CPT1A: variants seen among roughly 807,000 people sequenced by gnomAD.
CPT1A encodes the protein carnitine O-palmitoyltransferase 1, liver isoform.
Under a neutral mutation model 100.8 loss-of-function variants are expected in CPT1A, and 64 were observed. The ratio of observed to expected loss-of-function variants is 0.63; its 90% CI spans 0.52 to 0.78. CPT1A has a LOEUF of 0.78. CPT1A is among the 30% of genes least tolerant of loss of function. The pLI, the probability that CPT1A is intolerant of heterozygous loss-of-function variation, is 0.00. For missense variants in CPT1A, 802 were observed against 1,034.1 expected, an observed-to-expected ratio of 0.78 and a Z score of 3.08; for synonymous variants, 363 against 396.0, an observed-to-expected ratio of 0.92 and a Z score of 0.99.
intron 4 of CPT1A, among the ~76,000 whole-genome samples, chr11:68,805,720 C>T (rs1185242755): frequency 1.3e-5 from 2 of 152,230 alleles, no homozygotes; most frequent in African/African-American, 4.8e-5. Flanking sequence ...AAAGATTCTG[C>T]AGAAAATGTT....
intron 17 of CPT1A, 50 bp downstream of exon 17, chr11:68,760,175 C>T (rs1375454947): frequency 7.6e-7 from 1 of 1,316,288 alleles, no homozygotes; most frequent in Admixed American, 1.9e-5. Flanking sequence ...CCCCATTACC[C>T]ATCCCATCAC....
intron 1 of CPT1A, among the ~76,000 whole-genome samples, chr11:68,839,130 A>T (rs897316316): frequency 1.3e-5 from 2 of 152,184 alleles, no homozygotes; most frequent in South Asian, 2.1e-4. Flanking sequence ...CTGGCCTGCC[A>T]ATAATAACCA....
At chr11:68,832,089 A>G (rs1028810794) in intron 1 of CPT1A, among the ~76,000 whole-genome samples, 1 of 152,200 alleles carries the variant, frequency 6.6e-6, no homozygotes, top group Non-Finnish European at 1.5e-5. Context: ...TAATGAGAAA[A>G]CCAGGGCTTA....
At position 68,838,571 on chromosome 11, in the gene CPT1A, T is replaced by TAAAAAAAAAAAAAAAAAAAA. The variant is rs1177976460; in HGVS notation, c.-14+3203_-14+3204insTTTTTTTTTTTTTTTTTTTT. Among the ~76,000 whole-genome samples, 37 of 74,228 alleles carry TAAAAAAAAAAAAAAAAAAAA rather than the reference T, an allele frequency of 5.0e-4. 4 individuals are homozygous for TAAAAAAAAAAAAAAAAAAAA. Among genetic ancestry groups the TAAAAAAAAAAAAAAAAAAAA allele is most frequent in the South Asian group, 3.7e-3 (8 of 2,144 alleles). The allele number at this position is 74,228 out of a possible 152,430, so 48.7% of individuals were successfully genotyped here. ...GACTCTACTCTGTATCTGCACCTTTTTAAAAAAAAAAAAAAAAAAACAGAG... is the reference window on the plus strand; with the variant it reads ...GACTCTACTCTGTATCTGCACCTTTTAAAAAAAAAAAAAAAAAAAATAAAAAAAAAAAAAAAAAAACAGAG... On this transcript the variant is annotated intron_variant, in intron 1 of 18. Transcript: ENST00000265641.
At chr11:68,798,277 GTGTGCGGAGAGC>G (rs1472822180) in intron 6 of CPT1A, among the ~76,000 whole-genome samples, 6 of 152,192 alleles carry the variant, frequency 3.9e-5, no homozygotes, top group Admixed American at 3.9e-4. Context: ...CAAGGGCCTC[GTGTGCGGAGAGC>G]TGTGCAGAGA....
chr11:68,788,914 C>T (rs1009363633), intron 9 of CPT1A, among the ~76,000 whole-genome samples: 2 of 152,086 alleles, frequency 1.3e-5, no homozygotes, highest in Non-Finnish European at 2.9e-5. Flanking sequence ...GAAATGTCAA[C>T]CAGGGCAGCC....
chr11:68,803,290 T>C (rs970327519), intron 5 of CPT1A, among the ~76,000 whole-genome samples: 1 of 152,136 alleles, frequency 6.6e-6, no homozygotes, highest in Non-Finnish European at 1.5e-5. Context: ...ATGCCACTTA[T>C]ATGAGGTCCC....
At chr11:68,764,566 G>C (rs887310465) in intron 14 of CPT1A, among the ~76,000 whole-genome samples, 1 of 152,064 alleles carries the variant, frequency 6.6e-6, no homozygotes, top group Non-Finnish European at 1.5e-5. Flanking sequence ...CTCAGCTGGG[G>C]AACGGAGAGT....
intron 1 of CPT1A, among the ~76,000 whole-genome samples, chr11:68,816,782 T>TGTGTGTGTGTG: frequency 1.6e-5 from 2 of 127,606 alleles, no homozygotes; most frequent in African/African-American, 6.4e-5. Flanking sequence ...GTGTGTGTGG[T>TGTGTGTGTGTG]GTGTGTGTGT....
intron 13 of CPT1A, chr11:68,773,981 A>G (rs1855071539): frequency 5.7e-6 from 1 of 173,934 alleles, no homozygotes; most frequent in African/African-American, 2.4e-5. Flanking sequence ...CATACTGCGC[A>G]TGCTCCCTTC....
intron 3 of CPT1A, among the ~76,000 whole-genome samples, chr11:68,811,709 G>C (rs1470986154): frequency 6.6e-6 from 1 of 152,154 alleles, no homozygotes; most frequent in African/African-American, 2.4e-5. Context: ...CCTAATGAGA[G>C]GTCACTGCAG....
At chr11:68,792,072 C>T (rs559119973) in intron 9 of CPT1A, among the ~76,000 whole-genome samples, 2 of 152,140 alleles carry the variant, frequency 1.3e-5, no homozygotes, top group African/African-American at 4.8e-5. Context: ...GGCATGGTGG[C>T]TCACATCTGT....
intron 12 of CPT1A, among the ~76,000 whole-genome samples, chr11:68,777,082 C>T (rs1411585846): frequency 6.6e-6 from 1 of 152,166 alleles, no homozygotes; most frequent in African/African-American, 2.4e-5. Context: ...GATCAGGTTC[C>T]ACCTGCTCTG....
At chr11:68,762,890 G>A in intron 14 of CPT1A, 129 bp from the exon 15 acceptor site, 1 of 1,197,346 alleles carries the variant, frequency 8.4e-7, no homozygotes, top group African/African-American at 1.5e-5. Flanking sequence ...ACGGGGTCTT[G>A]CTGTTGCCCA....
At chr11:68,782,939 C>T (rs928602197) in intron 10 of CPT1A, among the ~76,000 whole-genome samples, 3 of 152,180 alleles carry the variant, frequency 2.0e-5, no homozygotes, top group Non-Finnish European at 4.4e-5. Context: ...GAGGCGCCTA[C>T]AGACCCACAG....
At chr11:68,828,177 G>A (rs561869401) in intron 1 of CPT1A, among the ~76,000 whole-genome samples, 1 of 152,144 alleles carries the variant, frequency 6.6e-6, no homozygotes, top group South Asian at 2.1e-4. Context: ...CTTTGCCCTT[G>A]CTGAAGTCCC....
intron 14 of CPT1A, among the ~76,000 whole-genome samples, chr11:68,766,030 C>A (rs1490988938): frequency 6.6e-6 from 1 of 151,960 alleles, no homozygotes; most frequent in Non-Finnish European, 1.5e-5. Flanking sequence ...TGCTGCCATA[C>A]CTGGATAATT....
intron 9 of CPT1A, among the ~76,000 whole-genome samples, 183 bp from the exon 10 acceptor site, chr11:68,785,193 T>G (rs1206632707): frequency 2.0e-5 from 3 of 152,174 alleles, no homozygotes; most frequent in Non-Finnish European, 2.9e-5. Context: ...GTTAAAGCTC[T>G]GGATCGGAGA....
intron 5 of CPT1A, among the ~76,000 whole-genome samples, chr11:68,802,226 G>C (rs895222359): frequency 6.6e-6 from 1 of 151,944 alleles, no homozygotes; most frequent in African/African-American, 2.4e-5. Flanking sequence ...AATGTACTTA[G>C]TGCCCCTGAA....
Sources: gnomAD v4.1 joint callset for allele counts (sites outside exome capture counted in the v4.1 genomes callset) on GRCh38, gnomAD v4.1.1 for gene constraint, MANE v1.5 for transcripts, NCBI Gene and HGNC (gene_info 2026-07-23, HGNC 2026-07-21) for gene names.